Variants in PMM1 observed in about 807,000 individuals in gnomAD.
PMM1 encodes phosphomannomutase 1, also known as brain glucose-1,6-bisphosphatase.
In PMM1, 25 loss-of-function variants were observed where a neutral mutation model predicts 34.0. The observed-to-expected ratio is 0.73, with a 90% CI of 0.54 to 1.03. PMM1 has a LOEUF of 1.03. Among genes scored for constraint, PMM1 ranks in the 50% least tolerant of loss-of-function variants. PMM1 has a pLI of 0.00. For missense variants in PMM1, 321 were observed against 350.1 expected (o/e 0.92, Z 0.66); for synonymous variants, 134 against 143.9 (o/e 0.93, Z 0.49).
rs764482021 is a variant in PMM1, at chr22:41,584,049, G to A, written c.384C>T (p.Phe128=). 6.2e-7 allele frequency: 1 copy of A among 1,613,082 alleles called. No individual in the cohort carries two copies. The highest frequency in any genetic ancestry group is 8.5e-7 in the Non-Finnish European group (1 of 1,179,080). ...LLRLPKKRGT[F]IEFRNGMLNI... is the part of the protein sequence containing the mutation. ...TCAGCATGCCATTCCGGAACTCGATGAAGGTTCCACTGGTGGTGAGGGAGG... is the reference window on the plus strand; with the variant it reads ...TCAGCATGCCATTCCGGAACTCGATAAAGGTTCCACTGGTGGTGAGGGAGG... The change falls in exon 5 of 8, where the codon TTC becomes TTT. Residue 128 remains phenylalanine (F), a synonymous_variant. Coordinates refer to ENST00000216259, the MANE Select transcript of PMM1 (RefSeq NM_002676.3).
At chr22:41,584,230 T>C in intron 4 of PMM1, 51 bp downstream of exon 4, 1 of 1,540,506 alleles carries the variant, frequency 6.5e-7, no homozygotes, top group Non-Finnish European at 9.0e-7. Flanking sequence ...GGACCCACAC[T>C]TCTCCTCCCT....
In PMM1 at chr22:41,577,819, C is replaced by T. The variant is rs759925277; in HGVS notation, c.655G>A (p.Glu219Lys). Residue 219 changes from glutamate (E) to lysine (K), a missense_variant, in exon 7 of 8, where the codon GAG becomes AAG. Transcript: ENST00000216259. ...SFDTIHFFGN[E>K]TSPGGNDFEI... ...TGGGCCACACTCACAGGGCTAGTCT[C>T]GTTCCCAAAGAAGTGGATGGTGTCG... The T allele has an allele frequency of 1.4e-5, 22 of 1,612,810 alleles. No homozygotes were observed. The highest frequency in any genetic ancestry group is 2.2e-5 in the South Asian group (2 of 91,076).
In PMM1 at chr22:41,589,806, G is replaced by T; in HGVS notation, c.-1C>A. ...GGGCTGCCTGGGCGGTGACTGCCAT[G>T]GCTGCAGGTCCGCGCGCGGGGCGGA... On this transcript the variant is annotated 5_prime_UTR_variant, in exon 1 of 8. Transcript: ENST00000216259. 1.2e-6 allele frequency: 2 copies of T among 1,604,648 alleles called. No individual in the cohort carries two copies. Among genetic ancestry groups the T allele is most frequent in the Non-Finnish European group, 8.5e-7 (1 of 1,176,810 alleles).
At chr22:41,578,962 C>G in intron 5 of PMM1, 81 bp from the exon 6 acceptor site, 2 of 1,217,034 alleles carry the variant, frequency 1.6e-6, no homozygotes, top group Non-Finnish European at 2.4e-6. Flanking sequence ...TCCACGTGAG[C>G]GTGCTGAGCA....
In PMM1 at chr22:41,584,598, C is replaced by T. The variant is rs950041912; in HGVS notation, c.211G>A (p.Glu71Lys). ...EQLGDGDEVI[E>K]KFDYVFAENG... ...TCGGCAAACACATAATCAAACTTCT[C>T]AATGACTTCAGGGTCACATAGAGGA... The change falls in exon 3 of 8, where the codon GAG becomes AAG. Residue 71 changes from glutamate to lysine, a missense_variant. Coordinates refer to ENST00000216259, the MANE Select transcript of PMM1 (RefSeq NM_002676.3). 6.2e-6 allele frequency: 10 copies of T among 1,613,196 alleles called. No homozygotes were observed. Among genetic ancestry groups the T allele is most frequent in the Non-Finnish European group, 8.5e-6 (10 of 1,179,478 alleles).
At position 41,584,385 on chromosome 22, in the gene PMM1, C is replaced by A; in HGVS notation, c.283-13G>T. ...GGTTCTGGATGGTCTGGCCAAGGAACACAGGGCTCTGAGCGTGGCCTGGGC... is the reference window on the plus strand; with the variant it reads ...GGTTCTGGATGGTCTGGCCAAGGAAAACAGGGCTCTGAGCGTGGCCTGGGC... On this transcript the variant is annotated splice_polypyrimidine_tract_variant and intron_variant, in intron 3 of 7. Coordinates refer to ENST00000216259, the MANE Select transcript of PMM1 (RefSeq NM_002676.3). 6.2e-7 allele frequency: 1 copy of A among 1,613,176 alleles called. No individual in the cohort carries two copies. Among genetic ancestry groups the A allele is most frequent in the Non-Finnish European group, 8.5e-7 (1 of 1,179,142 alleles).
At chr22:41,580,641 G>A (rs774401479) in intron 5 of PMM1, 2 of 152,076 alleles carry the variant, frequency 1.3e-5, no homozygotes, top group Non-Finnish European at 2.9e-5. Context: ...CACGTGTATT[G>A]GGGGGGAAGG....
chr22:41,585,381 A>G (rs2145626964), intron 2 of PMM1: 1 of 152,288 alleles, frequency 6.6e-6, no homozygotes, highest in Non-Finnish European at 1.5e-5. Context: ...CGCCTACTCT[A>G]AAGTGTGATT....
At position 41,589,711 on chromosome 22, in the gene PMM1, G is replaced by A; in HGVS notation, c.87+8C>T. On this transcript the variant is annotated splice_region_variant and intron_variant, in intron 1 of 7. Transcript: ENST00000216259. ...CCCGGTGGGAGCTTCCAATCTTCAG[G>A]GTCCTACCTGGCGAGCCGGCGTGAG... 2.5e-6 allele frequency: 4 copies of A among 1,608,312 alleles called. No homozygotes were observed. The highest frequency in any genetic ancestry group is 3.4e-6 in the Non-Finnish European group (4 of 1,177,710).
At chr22:41,582,184 G>A (rs1445831801) in intron 5 of PMM1, among the ~76,000 whole-genome samples, 2 of 151,908 alleles carry the variant, frequency 1.3e-5, no homozygotes, top group Non-Finnish European at 2.9e-5. Flanking sequence ...TTTGCGAGGT[G>A]CGGTGGCTCA....
chr22:41,580,975 C>T (rs138279005), intron 5 of PMM1, among the ~76,000 whole-genome samples: 2,121 of 152,016 alleles, frequency 0.014, 51 homozygotes, highest in African/African-American at 0.049. Context: ...ATTAGCTGGG[C>T]GTGGTGGCAG....
intron 1 of PMM1, chr22:41,589,316 G>T (rs1229360451): frequency 3.2e-5 from 14 of 433,676 alleles, no homozygotes. Context: ...TGGAACCCCG[G>T]TTCAGAAGCC....
rs1462236297 is a variant in PMM1, at chr22:41,583,992, C to T, written c.441G>A (p.Leu147=). The change falls in exon 5 of 8, where the codon CTG becomes CTA. Residue 147 remains leucine, a synonymous_variant. Coordinates refer to ENST00000216259, the MANE Select transcript of PMM1 (RefSeq NM_002676.3). ...GTTCGGAGAACTCGATCCTCTCCTC[C>T]AGGGTGCAGCTCCGGCCGATGGGCG... is the stretch of plus-strand genomic sequence containing the variant. ...NISPIGRSCT[L]EERIEFSELD... is the part of the protein sequence containing the mutation. 1.2e-6 allele frequency: 2 copies of T among 1,613,734 alleles called. No individual in the cohort carries two copies. The highest frequency in any genetic ancestry group is 3.3e-5 in the Admixed American group (2 of 59,998).
At position 41,577,020 on chromosome 22, in the gene PMM1, C is replaced by T. The variant is rs149751889; in HGVS notation, c.*298G>A. On this transcript the variant is annotated 3_prime_UTR_variant, in exon 8 of 8. Transcript: ENST00000216259. Reference sequence around the variant, plus strand: ...TAGATCTCGTACCGATACTTGAGCACGCCTCCTCCTGGTGCAGAAAGAAAC... The same window carrying T: ...TAGATCTCGTACCGATACTTGAGCATGCCTCCTCCTGGTGCAGAAAGAAAC... 1.9e-4 allele frequency: 86 copies of T among 456,404 alleles called. 1 individual carries two copies. Among genetic ancestry groups the T allele is most frequent in the South Asian group, 1.2e-3 (59 of 48,104 alleles). 28.3% of individuals were successfully genotyped at this position (456,404 alleles called of 1,614,324 possible). A position where few individuals can be genotyped will look rare whatever the true frequency, so the allele number is the denominator to read the frequency against.
Position 41,577,832 on chromosome 22 carries a change from G to GA in PMM1, c.641_642insT (p.Phe215LeufsTer7). On this transcript the variant is annotated frameshift_variant, in exon 7 of 8. Coordinates refer to ENST00000216259, the MANE Select transcript of PMM1 (RefSeq NM_002676.3). LOFTEE classifies it high-confidence loss of function. ...CAGGGCTAGTCTCGTTCCCAAAGAA[G>GA]TGGATGGTGTCGAAGCTGTCCTGGT... 1 of 1,613,404 alleles carries GA rather than the reference G, an allele frequency of 6.2e-7. No homozygotes were observed.
At chr22:41,589,123 C>A (rs750482398) in intron 1 of PMM1, 2 of 1,304,112 alleles carry the variant, frequency 1.5e-6, no homozygotes, top group South Asian at 2.5e-5. Context: ...GTGGGTAGAG[C>A]TCATAAACGA....
chr22:41,583,904 A>C (rs2067274975), intron 5 of PMM1, 55 bp downstream of exon 5: 1 of 1,058,290 alleles, frequency 9.4e-7, no homozygotes, highest in African/African-American at 1.6e-5. Context: ...ATAAAGGCTC[A>C]GATAAATTGA....
intron 1 of PMM1, 200 bp downstream of exon 1, chr22:41,589,519 G>A (rs2067355524): frequency 3.3e-6 from 2 of 602,216 alleles, no homozygotes. Context: ...ACACAGGCAA[G>A]GACGCTGCGG....
intron 2 of PMM1, chr22:41,585,484 T>C (rs1489836700): frequency 6.6e-6 from 1 of 151,492 alleles, no homozygotes; most frequent in Non-Finnish European, 1.5e-5. Flanking sequence ...TATTTATTTA[T>C]TTATTTATTT....
Sources: gnomAD v4.1 joint callset for allele counts (sites outside exome capture counted in the v4.1 genomes callset) on GRCh38, gnomAD v4.1.1 for gene constraint, MANE v1.5 for transcripts, NCBI Gene and HGNC (gene_info 2026-07-23, HGNC 2026-07-21) for gene names.